Variants in COL18A1 observed in about 807,000 individuals in gnomAD.
The protein encoded by COL18A1 is collagen type XVIII alpha 1 chain, also known as collagen alpha-1(XVIII) chain.
In COL18A1, 133 loss-of-function variants were observed where a neutral mutation model predicts 168.0. That is an observed-to-expected ratio of 0.79 (90% CI 0.69 to 0.91). The LOEUF (loss-of-function observed/expected upper bound fraction) is 0.91, where lower values mean the gene tolerates loss of function less well. COL18A1 is among the 40% of genes least tolerant of loss of function. COL18A1 has a pLI of 0.00. For missense variants in COL18A1, 2,126 were observed against 1,925.4 expected, an observed-to-expected ratio of 1.10 and a Z score of -1.95; for synonymous variants, 949 against 809.0, an observed-to-expected ratio of 1.17 and a Z score of -2.94.
chr21:45,451,639 T>TCAG (rs1245509809), intron 2 of COL18A1, among the ~76,000 whole-genome samples: 1 of 152,192 alleles, frequency 6.6e-6, no homozygotes, highest in Non-Finnish European at 1.5e-5. Context: ...CGTTCTGCAC[T>TCAG]CAGCAGCAGG....
Position 45,509,227 on chromosome 21 carries a change from C to T in COL18A1, c.3250-129C>T, listed in dbSNP as rs545371196. On this transcript the variant is annotated intron_variant, in intron 38 of 41. Coordinates refer to ENST00000651438, the MANE Select transcript of COL18A1 (RefSeq NM_001379500.1). Reference sequence around the variant, plus strand: ...TACACCCCCAGGGCAGCCCCAGAGTCGGGGGCGCAGCTCCCTGCTTGCCAG... The same window carrying T: ...TACACCCCCAGGGCAGCCCCAGAGTTGGGGGCGCAGCTCCCTGCTTGCCAG... 2.1e-4 allele frequency: 265 copies of T among 1,287,000 alleles called. 1 individual carries two copies. The East Asian group carries it at 6.4e-3, about 31-fold the overall frequency. The allele number at this position is 1,287,000 out of a possible 1,614,324, so 79.7% of individuals were successfully genotyped here.
At chr21:45,512,094 T>G (rs2037644946) in intron 41 of COL18A1, 94 bp from the exon 42 acceptor site, 12 of 1,380,564 alleles carry the variant, frequency 8.7e-6, no homozygotes, top group Non-Finnish European at 1.1e-5. Flanking sequence ...ACCCCAGGGC[T>G]GGCCTCCTGC....
At chr21:45,438,108 TCAGA>T (rs781416253) in intron 2 of COL18A1, among the ~76,000 whole-genome samples, 23 of 45,736 alleles carry the variant, frequency 5.0e-4, no homozygotes, top group East Asian at 4.2e-3. Flanking sequence ...ACACTCACAC[TCAGA>T]CACACAGGCA....
At position 45,468,937 on chromosome 21, in the gene COL18A1, G is replaced by A. The variant is rs962467404; in HGVS notation, c.651+151G>A. ...CCCGGGCCTCCAGCGCAGGCCTCCTGGGTTCTTGGCTGCTCAGCCCTGGCC... is the reference window on the plus strand; with the variant it reads ...CCCGGGCCTCCAGCGCAGGCCTCCTAGGTTCTTGGCTGCTCAGCCCTGGCC... On this transcript the variant is annotated intron_variant, in intron 3 of 41. Coordinates refer to ENST00000651438, the MANE Select transcript of COL18A1 (RefSeq NM_001379500.1). 5 of 852,230 alleles carry A rather than the reference G, an allele frequency of 5.9e-6. No individual in the cohort carries two copies. In the African/African-American group the frequency reaches 8.6e-5, roughly 15 times the overall value. The allele number at this position is 852,230 out of a possible 1,614,324, so 52.8% of individuals were successfully genotyped here. A position where few individuals can be genotyped will look rare whatever the true frequency, so the allele number is the denominator to read the frequency against.
At position 45,512,295 on chromosome 21, in the gene COL18A1, C is replaced by T; in HGVS notation, c.3917C>T (p.Ser1306Phe). ...GCTCCCTCGGCCACGGGCCAGGCCT[C>T]CTCGCTGCTGGGGGGCAGGCTCCTG... is the stretch of plus-strand genomic sequence containing the variant. Reference protein sequence around the residue: ...TEAPSATGQASSLLGGRLLGQ... With the variant: ...TEAPSATGQAFSLLGGRLLGQ... The change falls in exon 42 of 42, where the codon TCC becomes TTC. Residue 1306 changes from serine to phenylalanine, a missense_variant. Ser to Phe is a radical substitution (Grantham distance 155). Coordinates refer to ENST00000651438, the MANE Select transcript of COL18A1 (RefSeq NM_001379500.1). 1 of 1,612,282 alleles carries T rather than the reference C, an allele frequency of 6.2e-7. No individual in the cohort carries two copies. Among genetic ancestry groups the T allele is most frequent in the Admixed American group, 1.7e-5 (1 of 59,958 alleles).
chr21:45,472,425 A>G (rs951563008), intron 3 of COL18A1, among the ~76,000 whole-genome samples: 13 of 152,084 alleles, frequency 8.5e-5, no homozygotes, highest in African/African-American at 2.9e-4. Flanking sequence ...GGGTTTCCCC[A>G]TGGTCTCAAT....
At chr21:45,491,021 C>T in intron 21 of COL18A1, 150 bp downstream of exon 21, 1 of 904,788 alleles carries the variant, frequency 1.1e-6, no homozygotes, top group Non-Finnish European at 1.8e-6. Context: ...GGGTGGCTTT[C>T]AGGCTGGGGG....
At chr21:45,410,583 G>A (rs2033261703) in intron 2 of COL18A1, among the ~76,000 whole-genome samples, 1 of 152,256 alleles carries the variant, frequency 6.6e-6, no homozygotes, top group Non-Finnish European at 1.5e-5. Context: ...TTTATTTTTG[G>A]TCTGAAGTCC....
intron 3 of COL18A1, among the ~76,000 whole-genome samples, chr21:45,472,534 A>G (rs1462006020): frequency 6.6e-6 from 1 of 151,716 alleles, no homozygotes; most frequent in African/African-American, 2.4e-5. Flanking sequence ...CTAGAATTCA[A>G]CCCCAGCTCC....
At chr21:45,434,129 C>T (rs1200340222) in intron 2 of COL18A1, among the ~76,000 whole-genome samples, 3 of 71,842 alleles carry the variant, frequency 4.2e-5, no homozygotes, top group Non-Finnish European at 7.8e-5. Context: ...GCAGACACTT[C>T]CTGTGCAAGC....
At chr21:45,414,675 C>G (rs1416754769) in intron 2 of COL18A1, among the ~76,000 whole-genome samples, 2 of 152,230 alleles carry the variant, frequency 1.3e-5, no homozygotes, top group Non-Finnish European at 2.9e-5. Context: ...GAAAACAGCC[C>G]TGCCCGCCAG....
At chr21:45,495,272 C>T (rs1348093675) in intron 28 of COL18A1, 86 bp from the exon 29 acceptor site, 22 of 1,161,848 alleles carry the variant, frequency 1.9e-5, no homozygotes, top group Middle Eastern at 1.9e-4. Context: ...CCGGGCCTGG[C>T]GTGGGGCTAA....
chr21:45,475,911 G>A (rs1338063978), intron 5 of COL18A1, among the ~76,000 whole-genome samples: 5 of 152,254 alleles, frequency 3.3e-5, no homozygotes, highest in Admixed American at 3.3e-4. Context: ...AGGAGAAGGC[G>A]GCGCAGGGAG....
intron 2 of COL18A1, chr21:45,456,799 G>C (rs1568882121): frequency 4.5e-6 from 7 of 1,539,838 alleles, no homozygotes; most frequent in Non-Finnish European, 3.5e-6. Flanking sequence ...GGAGCCGCCT[G>C]GGCGGGGGCC....
At chr21:45,417,862 G>A (rs984449498) in intron 2 of COL18A1, among the ~76,000 whole-genome samples, 1 of 152,236 alleles carries the variant, frequency 6.6e-6, no homozygotes, top group East Asian at 1.9e-4. Flanking sequence ...CCGTAGGGAA[G>A]AGAGAAAAGG....
intron 2 of COL18A1, among the ~76,000 whole-genome samples, chr21:45,414,909 G>A (rs746949125): frequency 1.3e-4 from 20 of 152,122 alleles, no homozygotes; most frequent in African/African-American, 2.7e-4. Flanking sequence ...ACGTCATTAC[G>A]AGGGTCCTTA....
chr21:45,431,050 T>C (rs1396547963), intron 2 of COL18A1, among the ~76,000 whole-genome samples: 2 of 152,096 alleles, frequency 1.3e-5, no homozygotes, highest in Non-Finnish European at 2.9e-5. Flanking sequence ...CACTGGTCTC[T>C]TGGCTTCCAG....
intron 15 of COL18A1, among the ~76,000 whole-genome samples, chr21:45,483,511 G>A (rs1231229806): frequency 6.6e-6 from 1 of 152,038 alleles, no homozygotes; most frequent in Non-Finnish European, 1.5e-5. Flanking sequence ...AAATTGAGCT[G>A]GAGGAGGAGC....
chr21:45,478,012 G>A (rs1276622690), intron 8 of COL18A1, 47 bp downstream of exon 8: 2 of 1,055,320 alleles, frequency 1.9e-6, no homozygotes, highest in Admixed American at 2.1e-5. Context: ...GGAGGGTGGG[G>A]GCTTGGGTAG....
Sources: gnomAD v4.1 joint callset for allele counts (sites outside exome capture counted in the v4.1 genomes callset) on GRCh38, gnomAD v4.1.1 for gene constraint, MANE v1.5 for transcripts, NCBI Gene and HGNC (gene_info 2026-07-23, HGNC 2026-07-21) for gene names.